DLC1: variants seen among roughly 807,000 people sequenced by gnomAD.
DLC1 encodes DLC1 Rho GTPase activating protein.
A neutral mutation model predicts 140.3 loss-of-function variants in DLC1; 54 were observed. That is an observed-to-expected ratio of 0.38 (90% CI 0.31 to 0.48). DLC1 has a LOEUF of 0.48. Ranked by LOEUF, DLC1 falls within the 20% of genes least tolerant of loss-of-function variation. The probability of loss-of-function intolerance (pLI) is 0.96; values close to 1 mark genes in which losing one functional copy is unlikely to be tolerated. For synonymous variants in DLC1, 986 were observed against 728.1 expected, an observed-to-expected ratio of 1.35 and a Z score of -5.70; for missense variants, 2,536 against 1,907.0, an observed-to-expected ratio of 1.33 and a Z score of -6.14.
At chr8:13,391,840 C>A (rs289560) in intron 4 of DLC1, among the ~76,000 whole-genome samples, 151,574 of 152,094 alleles carry the variant, frequency 1, 75,529 homozygotes, top group Middle Eastern at 1. Flanking sequence ...AGGTGCTTTA[C>A]AAAGTGAATT....
At chr8:13,301,848 G>T (rs1484733728) in intron 5 of DLC1, among the ~76,000 whole-genome samples, 1 of 152,126 alleles carries the variant, frequency 6.6e-6, no homozygotes, top group Non-Finnish European at 1.5e-5. Flanking sequence ...AGGGTTCTAG[G>T]CAGTGCACTC....
Position 13,533,572 on chromosome 8 carries a change from G to A in DLC1, c.-125-33376C>T, listed in dbSNP as rs554119053. Among the ~76,000 whole-genome samples the A allele has an allele frequency of 1.4e-4, 21 of 152,260 alleles. No individual in the cohort carries two copies. In the East Asian group the frequency reaches 3.5e-3, roughly 25 times the overall value. On this transcript the variant is annotated intron_variant, in intron 1 of 1. Transcript: ENST00000631382. ...CAATGTTAGCTCAATTTTTCTGGAC[G>A]AGGAAGTTGAGTTTCTGAGTCCTTG...
chr8:13,549,275 A>G (rs1329813201), intron 1 of DLC1, among the ~76,000 whole-genome samples: 2 of 152,102 alleles, frequency 1.3e-5, no homozygotes, highest in African/African-American at 4.8e-5. Context: ...AAATCAGTGA[A>G]TGGCAAGTAA....
intron 2 of DLC1, among the ~76,000 whole-genome samples, chr8:13,463,188 T>C (rs945227587): frequency 1.3e-5 from 2 of 151,982 alleles, no homozygotes; most frequent in Admixed American, 6.6e-5. Flanking sequence ...GACTTACCTA[T>C]CATAGTAACT....
At chr8:13,463,801 A>T (rs1449411466) in intron 2 of DLC1, among the ~76,000 whole-genome samples, 1 of 152,164 alleles carries the variant, frequency 6.6e-6, no homozygotes, top group Non-Finnish European at 1.5e-5. Flanking sequence ...ATCCTTCCCT[A>T]GAGAGTTTCT....
At chr8:13,453,031 C>T (rs950464011) in intron 2 of DLC1, among the ~76,000 whole-genome samples, 1 of 151,928 alleles carries the variant, frequency 6.6e-6, no homozygotes, top group Non-Finnish European at 1.5e-5. Flanking sequence ...ACTTTTTCCT[C>T]ACAAAACCCT....
intron 1 of DLC1, among the ~76,000 whole-genome samples, chr8:13,587,566 C>G (rs867674321): frequency 2.0e-4 from 28 of 142,428 alleles, no homozygotes; most frequent in East Asian, 1.5e-3. Flanking sequence ...CACACACACA[C>G]ACAGAGAGAG....
intron 5 of DLC1, among the ~76,000 whole-genome samples, chr8:13,298,807 C>T (rs1378916432): frequency 6.6e-6 from 1 of 152,144 alleles, no homozygotes. Context: ...CCCCAAACAT[C>T]TGCATCAAGC....
chr8:13,438,877 T>C (rs2116910554), intron 2 of DLC1, among the ~76,000 whole-genome samples: 1 of 152,256 alleles, frequency 6.6e-6, no homozygotes, highest in African/African-American at 2.4e-5. Flanking sequence ...GTCGGCAAAC[T>C]TTTTCCATAA....
intron 4 of DLC1, among the ~76,000 whole-genome samples, chr8:13,309,664 T>C (rs1198810317): frequency 6.6e-6 from 1 of 152,206 alleles, no homozygotes; most frequent in African/African-American, 2.4e-5. Flanking sequence ...GGAAATGTTC[T>C]AAACATATGT....
intron 1 of DLC1, chr8:13,567,403 G>A (rs1304940675): frequency 9.0e-6 from 14 of 1,551,644 alleles, no homozygotes; most frequent in African/African-American, 6.8e-5. Context: ...TCGTAGAGGG[G>A]ATTCTAAGAA....
At chr8:13,258,858 C>T (rs577377448) in intron 5 of DLC1, among the ~76,000 whole-genome samples, 36 of 152,234 alleles carry the variant, frequency 2.4e-4, no homozygotes, top group Non-Finnish European at 4.6e-4. Flanking sequence ...GAAAATTAGG[C>T]CGGGCGCGGT....
intron 1 of DLC1, among the ~76,000 whole-genome samples, chr8:13,588,800 T>A (rs1805418607): frequency 6.6e-6 from 1 of 152,030 alleles, no homozygotes; most frequent in Non-Finnish European, 1.5e-5. Context: ...AGGAGAAGCA[T>A]AGGGGCTGGG....
intron 5 of DLC1, among the ~76,000 whole-genome samples, chr8:13,117,190 G>T (rs949682646): frequency 1.3e-5 from 2 of 152,206 alleles, no homozygotes; most frequent in Non-Finnish European, 2.9e-5. Context: ...AAGGAAATTA[G>T]ACTGGGTGTG....
At chr8:13,285,205 C>G (rs1423899290) in intron 5 of DLC1, among the ~76,000 whole-genome samples, 1 of 152,046 alleles carries the variant, frequency 6.6e-6, no homozygotes, top group Non-Finnish European at 1.5e-5. Context: ...GGAACAGAAC[C>G]AAGATTCCAG....
intron 5 of DLC1, among the ~76,000 whole-genome samples, chr8:13,173,764 T>C (rs1825618599): frequency 6.6e-6 from 1 of 152,244 alleles, no homozygotes; most frequent in African/African-American, 2.4e-5. Context: ...TTCGAATGGT[T>C]TGAGAGTTGG....
intron 2 of DLC1, among the ~76,000 whole-genome samples, chr8:13,411,827 T>G (rs1187224357): frequency 6.6e-6 from 1 of 152,190 alleles, no homozygotes; most frequent in Non-Finnish European, 1.5e-5. Flanking sequence ...AGATTAAAAA[T>G]GACCAATATT....
intron 1 of DLC1, among the ~76,000 whole-genome samples, chr8:13,592,187 T>C (rs1276230164): frequency 6.6e-6 from 1 of 151,930 alleles, no homozygotes. Context: ...GTAAAGGTCT[T>C]ATATTTATCA....
At chr8:13,269,519 C>T (rs1021385501) in intron 5 of DLC1, among the ~76,000 whole-genome samples, 1 of 151,784 alleles carries the variant, frequency 6.6e-6, no homozygotes, top group Non-Finnish European at 1.5e-5. Context: ...AGTTTGAGAC[C>T]ACCCTGGGTG....
Sources: allele counts gnomAD v4.1 joint callset (sites outside exome capture counted in the v4.1 genomes callset), GRCh38; gene constraint gnomAD v4.1.1; transcripts MANE v1.5; gene names NCBI Gene and HGNC (gene_info 2026-07-23, HGNC 2026-07-21).